STUM: variants seen among roughly 807,000 people sequenced by gnomAD.
STUM encodes the protein protein stum homolog.
A neutral mutation model predicts 15.3 loss-of-function variants in STUM; 8 were observed. The ratio of observed to expected loss-of-function variants is 0.52; its 90% CI spans 0.31 to 0.94. STUM has a LOEUF of 0.94. Among genes scored for constraint, STUM ranks in the 40% least tolerant of loss-of-function variants. The probability of loss-of-function intolerance (pLI) is 0.05; values close to 1 mark genes in which losing one functional copy is unlikely to be tolerated. For missense variants in STUM, 142 were observed against 204.9 expected, an observed-to-expected ratio of 0.69 and a Z score of 1.87; for synonymous variants, 78 against 88.7, an observed-to-expected ratio of 0.88 and a Z score of 0.68.
At chr1:226,582,441 A>C (rs1452569244) in intron 1 of STUM, among the ~76,000 whole-genome samples, 1 of 152,104 alleles carries the variant, frequency 6.6e-6, no homozygotes. Context: ...AAAAAGTACA[A>C]AAAATTAGCT....
chr1:226,577,350 T>TA (rs77979567), intron 1 of STUM, among the ~76,000 whole-genome samples: 4 of 149,000 alleles, frequency 2.7e-5, no homozygotes, highest in African/African-American at 4.9e-5. Context: ...CAAACCCGGT[T>TA]AAAAAAAAAA....
At chr1:226,577,909 C>T (rs969536760) in intron 1 of STUM, among the ~76,000 whole-genome samples, 8 of 152,186 alleles carry the variant, frequency 5.3e-5, no homozygotes, top group Admixed American at 5.2e-4. Flanking sequence ...CACTGCCTTG[C>T]TTCCACCACT....
intron 1 of STUM, among the ~76,000 whole-genome samples, chr1:226,575,980 G>T (rs1243860440): frequency 1.3e-5 from 2 of 152,238 alleles, no homozygotes; most frequent in African/African-American, 4.8e-5. Flanking sequence ...GCTAGAAAGA[G>T]AACGTACTGC....
chr1:226,555,764 A>G (rs1479146879), intron 1 of STUM, among the ~76,000 whole-genome samples: 1 of 152,178 alleles, frequency 6.6e-6, no homozygotes, highest in South Asian at 2.1e-4. Flanking sequence ...AAACTTTCTA[A>G]TGGCTCCCAT....
intron 1 of STUM, among the ~76,000 whole-genome samples, chr1:226,594,015 G>A (rs558668017): frequency 2.0e-5 from 3 of 152,348 alleles, no homozygotes; most frequent in South Asian, 4.1e-4. Flanking sequence ...ACAAGGCACT[G>A]TGCAAGGGGC....
At position 226,548,977 on chromosome 1, in the gene STUM, G is replaced by C; in HGVS notation, c.73G>C (p.Ala25Pro). 1.3e-6 allele frequency: 2 copies of C among 1,518,052 alleles called. No individual in the cohort carries two copies. The highest frequency in any genetic ancestry group is 1.2e-5 in the South Asian group (1 of 81,084). 94.0% of individuals were successfully genotyped at this position (1,518,052 alleles called of 1,614,324 possible). A position where few individuals can be genotyped will look rare whatever the true frequency, so the allele number is the denominator to read the frequency against. ...GGTGGCGGCGGCGGACCCCCGGGGG[G>C]CGTCCTCGTCCAGCGGGGTGGTGGT... ...AAVAAADPRG[A>P]SSSSGVVVQV... Residue 25 changes from alanine to proline, a missense_variant, in exon 1 of 4, where the codon GCG becomes CCG. Coordinates refer to ENST00000366788, the MANE Select transcript of STUM (RefSeq NM_001003665.4).
chr1:226,577,932 T>A (rs1431598693), intron 1 of STUM, among the ~76,000 whole-genome samples: 6 of 152,164 alleles, frequency 3.9e-5, no homozygotes, highest in African/African-American at 1.4e-4. Context: ...CCCAGGCAGG[T>A]GGGAGGGCCT....
intron 1 of STUM, among the ~76,000 whole-genome samples, chr1:226,581,180 A>G (rs1327158360): frequency 6.6e-6 from 1 of 152,256 alleles, no homozygotes; most frequent in Non-Finnish European, 1.5e-5. Flanking sequence ...TGTCCCAAAC[A>G]GTCTCATGGC....
At chr1:226,593,521 T>C (rs1668123039) in intron 1 of STUM, among the ~76,000 whole-genome samples, 1 of 152,014 alleles carries the variant, frequency 6.6e-6, no homozygotes, top group Non-Finnish European at 1.5e-5. Context: ...GGTGGGGTGA[T>C]GAGTTTGCCC....
At chr1:226,575,746 T>C (rs576225731) in intron 1 of STUM, among the ~76,000 whole-genome samples, 1 of 152,334 alleles carries the variant, frequency 6.6e-6, no homozygotes, top group East Asian at 1.9e-4. Context: ...CTTTTAGGCA[T>C]GTGGAAGCCT....
intron 1 of STUM, among the ~76,000 whole-genome samples, chr1:226,581,904 G>C (rs1326366830): frequency 6.6e-6 from 1 of 152,230 alleles, no homozygotes; most frequent in African/African-American, 2.4e-5. Flanking sequence ...CCACTGTGGA[G>C]TGTTGTAAGT....
intron 1 of STUM, among the ~76,000 whole-genome samples, chr1:226,559,703 A>G (rs1238124775): frequency 1.3e-5 from 2 of 152,194 alleles, no homozygotes; most frequent in Non-Finnish European, 2.9e-5. Flanking sequence ...CCAGGACGTG[A>G]TGGCTCACAC....
chr1:226,583,638 T>C (rs550174306), intron 1 of STUM, among the ~76,000 whole-genome samples: 10 of 152,284 alleles, frequency 6.6e-5, no homozygotes, highest in Admixed American at 1.3e-4. Context: ...TTCCTTTTTC[T>C]CTTTCCTCAC....
At position 226,576,191 on chromosome 1, in the gene STUM, G is replaced by A. The variant is rs574365065; in HGVS notation, c.203-20611G>A. ...GAGTGATGGTCTGTCCTTACTCCAG[G>A]TTGCAGGAGCAGCTCATTAGAGGGA... On this transcript the variant is annotated intron_variant, in intron 1 of 3. Transcript: ENST00000366788. Among the ~76,000 whole-genome samples, 11 of 152,348 alleles carry A rather than the reference G, an allele frequency of 7.2e-5. No homozygotes were observed. The South Asian group carries it at 2.3e-3, about 32-fold the overall frequency.
rs373990271 is a variant in STUM, at chr1:226,592,051, TG to T, written c.203-4750del. 8.6e-5 allele frequency among the ~76,000 whole-genome samples: 13 copies of T among 151,546 alleles called. No individual in the cohort carries two copies. In the East Asian group the frequency reaches 2.3e-3, roughly 27 times the overall value. ...CTTTCCTTATTATTATTAATTTTTT[TG>T]TTGTTGTTGTTTTATGATGGAGTCT... is the stretch of plus-strand genomic sequence containing the variant. On this transcript the variant is annotated intron_variant, in intron 1 of 3. Coordinates refer to ENST00000366788, the MANE Select transcript of STUM (RefSeq NM_001003665.4).
intron 1 of STUM, among the ~76,000 whole-genome samples, chr1:226,592,141 G>A (rs973055260): frequency 1.2e-4 from 18 of 152,168 alleles, no homozygotes; most frequent in Admixed American, 3.3e-4. Flanking sequence ...TCTGCCTCCC[G>A]GCTTCAAACG....
rs931496253 is a variant in STUM at position 226,565,439 on chromosome 1, T to C, written c.202+16333T>C. On this transcript the variant is annotated intron_variant, in intron 1 of 3. Coordinates refer to ENST00000366788, the MANE Select transcript of STUM (RefSeq NM_001003665.4). This position sits in a 1 kb window ranked among gnomAD's most constrained non-coding sequence, Gnocchi z 4.4. ...GGGTCCTGAACCACCAGCCTTGGCA[T>C]ACTACTGCTCCCCCACCGTCACTTC... is the stretch of plus-strand genomic sequence containing the variant. Among the ~76,000 whole-genome samples, 6 of 152,166 alleles carry C rather than the reference T, an allele frequency of 3.9e-5. No homozygotes were observed. The highest frequency in any genetic ancestry group is 8.8e-5 in the Non-Finnish European group (6 of 68,028).
chr1:226,571,595 G>A (rs557629631), intron 1 of STUM, among the ~76,000 whole-genome samples: 13 of 151,928 alleles, frequency 8.6e-5, no homozygotes, highest in South Asian at 8.3e-4. Context: ...CAGGGGGTTT[G>A]TGGACCCCAG....
chr1:226,576,150 C>T (rs945520197), intron 1 of STUM, among the ~76,000 whole-genome samples: 1 of 152,234 alleles, frequency 6.6e-6, no homozygotes, highest in African/African-American at 2.4e-5. Context: ...CTCTTCCGGC[C>T]GCTCCCTGGC....
Sources: allele counts gnomAD v4.1 joint callset (sites outside exome capture counted in the v4.1 genomes callset), GRCh38; gene constraint gnomAD v4.1.1; non-coding constraint Gnocchi (gnomAD v3.1); transcripts MANE v1.5; gene names NCBI Gene and HGNC (gene_info 2026-07-23, HGNC 2026-07-21).